Variants in CPNE5 observed in about 807,000 individuals in gnomAD.
CPNE5 encodes the protein copine 5.
Under a neutral mutation model 81.1 loss-of-function variants are expected in CPNE5, and 42 were observed. The ratio of observed to expected loss-of-function variants is 0.52; its 90% CI spans 0.40 to 0.67. The LOEUF is 0.67. Ranked by LOEUF, CPNE5 falls within the 30% of genes least tolerant of loss-of-function variation. The pLI is 0.00. For synonymous variants in CPNE5, 313 were observed against 321.5 expected (o/e 0.97, Z 0.28); for missense variants, 612 against 815.5 (o/e 0.75, Z 3.04).
In CPNE5 at chr6:36,823,503, T is replaced by A. The variant is rs1273161797; in HGVS notation, c.96-405A>T. Among the ~76,000 whole-genome samples the A allele has an allele frequency of 1.3e-5, 2 of 152,234 alleles. 1 individual carries two copies. The highest frequency in any genetic ancestry group is 3.8e-4 in the East Asian group (2 of 5,200). ...ATAAAGCAATCAAAACATATCCACC[T>A]ACTCTCCCATTTTCTCAAGGCTCTA... On this transcript the variant is annotated intron_variant, in intron 1 of 20. Transcript: ENST00000244751.
At chr6:36,756,545 A>C (rs1041792414) in intron 12 of CPNE5, among the ~76,000 whole-genome samples, 1 of 152,052 alleles carries the variant, frequency 6.6e-6, no homozygotes, top group African/African-American at 2.4e-5. Context: ...TATTTATTTA[A>C]CCTTCTCTCC....
intron 2 of CPNE5, 150 bp downstream of exon 2, chr6:36,822,908 C>T: frequency 1.8e-6 from 1 of 560,840 alleles, no homozygotes; most frequent in Non-Finnish European, 2.9e-6. Flanking sequence ...CTTTCTCAGA[C>T]ACTATGGGAG....
rs551580246 is a variant in CPNE5 at position 36,814,825 on chromosome 6, T to A, written c.183+7289A>T. ...AATAATAATAATAATACCTCCTTCA[T>A]AGGATTGTTGTGAGGATTCATTGAG... is the stretch of plus-strand genomic sequence containing the variant. On this transcript the variant is annotated intron_variant, in intron 3 of 20. Transcript: ENST00000244751. 2.6e-5 allele frequency among the ~76,000 whole-genome samples: 4 copies of A among 152,190 alleles called. No individual in the cohort carries two copies. In the South Asian group the frequency reaches 8.3e-4, roughly 32 times the overall value.
At chr6:36,768,369 T>C (rs1228629829) in intron 10 of CPNE5, among the ~76,000 whole-genome samples, 3 of 151,748 alleles carry the variant, frequency 2.0e-5, no homozygotes, top group Non-Finnish European at 4.4e-5. Flanking sequence ...GTAGCTGGGA[T>C]TACAGGCGCA....
chr6:36,786,799 C>T (rs1768596077), intron 8 of CPNE5, among the ~76,000 whole-genome samples: 1 of 152,154 alleles, frequency 6.6e-6, no homozygotes, highest in African/African-American at 2.4e-5. Context: ...AAATTACGTA[C>T]ATGGACACTC....
intron 1 of CPNE5, among the ~76,000 whole-genome samples, chr6:36,824,090 G>C (rs1248113685): frequency 6.6e-6 from 1 of 152,204 alleles, no homozygotes; most frequent in Non-Finnish European, 1.5e-5. Flanking sequence ...GAAGGCTGTT[G>C]ATGCCCTGCA....
At chr6:36,779,799 G>A (rs193273899) in intron 8 of CPNE5, among the ~76,000 whole-genome samples, 32 of 152,312 alleles carry the variant, frequency 2.1e-4, no homozygotes, top group African/African-American at 6.5e-4. Context: ...ACTGGGCAGA[G>A]ATGTCCCTGT....
intron 13 of CPNE5, chr6:36,755,167 T>C (rs1389964998): frequency 6.6e-6 from 1 of 152,162 alleles, no homozygotes; most frequent in Non-Finnish European, 1.5e-5. Context: ...ACGGAGAAAA[T>C]GAGGCTTCTC....
intron 8 of CPNE5, among the ~76,000 whole-genome samples, chr6:36,788,266 C>A (rs926090140): frequency 6.6e-6 from 1 of 151,958 alleles, no homozygotes; most frequent in African/African-American, 2.4e-5. Context: ...TGGTCTCGAA[C>A]TCCTGAGCTC....
intron 1 of CPNE5, among the ~76,000 whole-genome samples, chr6:36,835,165 G>T (rs1466767331): frequency 6.6e-6 from 1 of 152,240 alleles, no homozygotes; most frequent in African/African-American, 2.4e-5. Context: ...GTGGAACTGT[G>T]CATTGCTTCT....
chr6:36,813,576 G>A (rs1168948715), intron 3 of CPNE5, among the ~76,000 whole-genome samples: 1 of 152,170 alleles, frequency 6.6e-6, no homozygotes, highest in Admixed American at 6.5e-5. Flanking sequence ...ATCACACTTA[G>A]ATCAGTATCA....
chr6:36,742,923 T>C (rs1017512148), intron 20 of CPNE5: 4 of 985,418 alleles, frequency 4.1e-6, no homozygotes, highest in Non-Finnish European at 4.8e-6. Flanking sequence ...ATCTGGCCAA[T>C]GCCTAATGCC....
chr6:36,797,079 G>T (rs1769650036), intron 6 of CPNE5, among the ~76,000 whole-genome samples: 1 of 152,134 alleles, frequency 6.6e-6, no homozygotes, highest in Admixed American at 6.5e-5. Flanking sequence ...TAATTTTTTT[G>T]TATTTTTAGT....
intron 1 of CPNE5, among the ~76,000 whole-genome samples, chr6:36,838,157 C>G (rs553305197): frequency 1.3e-5 from 2 of 152,316 alleles, no homozygotes; most frequent in South Asian, 4.1e-4. Flanking sequence ...TCCAGCTCTA[C>G]CTACACCTCA....
chr6:36,792,288 C>T lies in CPNE5; in HGVS notation c.465-192G>A, dbSNP rs903526427. The T allele has an allele frequency of 8.9e-6, 13 of 1,467,920 alleles. No homozygotes were observed. The African/African-American group carries it at 1.5e-4, about 17-fold the overall frequency. The allele number at this position is 1,467,920 out of a possible 1,614,324, so 90.9% of individuals were successfully genotyped here. A position where few individuals can be genotyped will look rare whatever the true frequency, so the allele number is the denominator to read the frequency against. Reference sequence around the variant, plus strand: ...TGGCCTAGTGCACTGCTTCCTGGGACCGGGTCCCCGAGCCTGGAGCTGCCC... The same window carrying T: ...TGGCCTAGTGCACTGCTTCCTGGGATCGGGTCCCCGAGCCTGGAGCTGCCC... On this transcript the variant is annotated intron_variant, in intron 7 of 20. Coordinates refer to ENST00000244751, the MANE Select transcript of CPNE5 (RefSeq NM_020939.2).
chr6:36,820,355 T>TG (rs1353559107), intron 3 of CPNE5, among the ~76,000 whole-genome samples: 2 of 144,268 alleles, frequency 1.4e-5, no homozygotes, highest in East Asian at 2.0e-4. Flanking sequence ...TTTTTTTTTT[T>TG]TTTTGAGATG....
intron 10 of CPNE5, among the ~76,000 whole-genome samples, chr6:36,768,786 C>G (rs1766803741): frequency 6.6e-6 from 1 of 152,206 alleles, no homozygotes; most frequent in Admixed American, 6.5e-5. Context: ...AGAGGCCTAA[C>G]CTAGGAGGCA....
intron 17 of CPNE5, 35 bp from the exon 18 acceptor site, chr6:36,745,185 C>T (rs743870): frequency 0.46 from 715,013 of 1,561,724 alleles, 166,364 homozygotes; most frequent in Non-Finnish European, 0.48. Context: ...GGTCTGTCTG[C>T]GGGACCTCTG....
intron 12 of CPNE5, among the ~76,000 whole-genome samples, chr6:36,759,414 G>C (rs908277807): frequency 6.6e-6 from 1 of 151,238 alleles, no homozygotes; most frequent in Non-Finnish European, 1.5e-5. Context: ...GGTCAGGCGG[G>C]GACAGGACAG....
Sources: allele counts gnomAD v4.1 joint callset (sites outside exome capture counted in the v4.1 genomes callset), GRCh38; gene constraint gnomAD v4.1.1; transcripts MANE v1.5; gene names NCBI Gene and HGNC (gene_info 2026-07-23, HGNC 2026-07-21).